S100PBP: variants seen among roughly 807,000 people sequenced by gnomAD.
The protein encoded by S100PBP is S100P binding protein, also known as S100P-binding protein.
Under a neutral mutation model 39.9 loss-of-function variants are expected in S100PBP, and 15 were observed. That is an observed-to-expected ratio of 0.38 (90% CI 0.25 to 0.58). The LOEUF (loss-of-function observed/expected upper bound fraction) is 0.58. Ranked by LOEUF, S100PBP falls within the 20% of genes least tolerant of loss-of-function variation. S100PBP has a pLI of 0.70. For synonymous variants in S100PBP, 178 were observed against 180.3 expected, an observed-to-expected ratio of 0.99 and a Z score of 0.10; for missense variants, 504 against 487.3, an observed-to-expected ratio of 1.03 and a Z score of -0.32.
At chr1:32,850,533 A>T (rs1640565558) in intron 5 of S100PBP, among the ~76,000 whole-genome samples, 1 of 152,220 alleles carries the variant, frequency 6.6e-6, no homozygotes, top group Non-Finnish European at 1.5e-5. Flanking sequence ...TTTCCTTCTC[A>T]AGGAGTGACA....
At chr1:32,847,965 T>TC (rs1329156704) in intron 5 of S100PBP, among the ~76,000 whole-genome samples, 1 of 152,106 alleles carries the variant, frequency 6.6e-6, no homozygotes, top group Non-Finnish European at 1.5e-5. Context: ...TCACCAGGTC[T>TC]CGTAGTGAAA....
At chr1:32,837,707 A>T (rs1273910633) in intron 5 of S100PBP, among the ~76,000 whole-genome samples, 1 of 151,576 alleles carries the variant, frequency 6.6e-6, no homozygotes, top group Non-Finnish European at 1.5e-5. Flanking sequence ...TACTGCAGTT[A>T]GTTTGCATTT....
chr1:32,827,795 T>G (rs1025149457), intron 3 of S100PBP, among the ~76,000 whole-genome samples, 198 bp from the exon 4 acceptor site: 5 of 150,408 alleles, frequency 3.3e-5, no homozygotes, highest in South Asian at 4.2e-4. Context: ...TTTTTTTTTT[T>G]TTTTTTTTTT....
Position 32,844,865 on chromosome 1 carries a change from G to A in S100PBP, c.1025-8214G>A, listed in dbSNP as rs151325273. Among the ~76,000 whole-genome samples, 892 of 151,354 alleles carry A rather than the reference G, an allele frequency of 5.9e-3. 7 individuals are homozygous for A. Among genetic ancestry groups the A allele is most frequent in the Middle Eastern group, 0.01 (3 of 294 alleles). ...TTTTTTTGAGATGGACTCTCGCTCT[G>A]TTGCCCAGGCTGGAGTGCAGTGGCG... On this transcript the variant is annotated intron_variant, in intron 5 of 6. Coordinates refer to ENST00000373475, the MANE Select transcript of S100PBP (RefSeq NM_022753.4).
At chr1:32,830,403 C>G (rs1639543074) in intron 5 of S100PBP, among the ~76,000 whole-genome samples, 1 of 152,162 alleles carries the variant, frequency 6.6e-6, no homozygotes, top group African/African-American at 2.4e-5. Flanking sequence ...GTGCTGCTTA[C>G]TAATCAGTGG....
At position 32,826,545 on chromosome 1, in the gene S100PBP, C is replaced by T. The variant is rs763204599; in HGVS notation, c.446C>T (p.Ala149Val). 13 of 1,613,706 alleles carry T rather than the reference C, an allele frequency of 8.1e-6. 1 individual carries two copies. The South Asian group carries it at 1.3e-4, about 16-fold the overall frequency. The change falls in exon 3 of 7, where the codon GCA (alanine) becomes GTA (valine). Residue 149 changes from alanine (A) to valine (V), a missense_variant. Coordinates refer to ENST00000373475, the MANE Select transcript of S100PBP (RefSeq NM_022753.4). ...LEKNLIKVTVAPFNPTVCDAL... is the reference protein window; with the variant it reads ...LEKNLIKVTVVPFNPTVCDAL... ...AAGAATCTTATAAAAGTAACTGTTG[C>T]ACCATTTAATCCAACAGTTTGTGAT...
chr1:32,855,855 T>A (rs1640797418), intron 6 of S100PBP, 69 bp from the exon 7 acceptor site: 1 of 911,716 alleles, frequency 1.1e-6, no homozygotes, highest in East Asian at 2.7e-5. Flanking sequence ...TGTGCTGGCC[T>A]TTTTTTGTGT....
At chr1:32,837,379 A>G (rs890186233) in intron 5 of S100PBP, among the ~76,000 whole-genome samples, 3 of 145,226 alleles carry the variant, frequency 2.1e-5, no homozygotes, top group African/African-American at 5.1e-5. Flanking sequence ...TCCACCTCCC[A>G]GGTTCAAGCA....
chr1:32,824,221 A>T, intron 1 of S100PBP, among the ~76,000 whole-genome samples: 1 of 145,882 alleles, frequency 6.9e-6, no homozygotes, highest in South Asian at 2.2e-4. Context: ...AAAAAAAAAA[A>T]GGAATGCATG....
At chr1:32,824,254 GTGGTA>G (rs1213833296) in intron 1 of S100PBP, among the ~76,000 whole-genome samples, 4 of 151,878 alleles carry the variant, frequency 2.6e-5, no homozygotes, top group Admixed American at 6.6e-5. Context: ...AGCTCAGGGT[GTGGTA>G]TGGAGGGTCA....
chr1:32,847,733 T>A (rs906272409), intron 5 of S100PBP: 2 of 152,198 alleles, frequency 1.3e-5, no homozygotes, highest in African/African-American at 4.8e-5. Context: ...GTGACACATT[T>A]GCATTCTTGC....
intron 5 of S100PBP, among the ~76,000 whole-genome samples, chr1:32,844,322 G>T (rs1290584980): frequency 6.6e-6 from 1 of 151,968 alleles, no homozygotes; most frequent in Non-Finnish European, 1.5e-5. Flanking sequence ...AAGTGTTGGG[G>T]TTACAGGTGT....
At chr1:32,841,508 T>C (rs1481672304) in intron 5 of S100PBP, among the ~76,000 whole-genome samples, 1 of 152,026 alleles carries the variant, frequency 6.6e-6, no homozygotes, top group Non-Finnish European at 1.5e-5. Flanking sequence ...GGCAGGCAGA[T>C]CACCTGAGGT....
intron 4 of S100PBP, among the ~76,000 whole-genome samples, chr1:32,829,443 C>T (rs1257785022): frequency 1.3e-5 from 2 of 151,944 alleles, no homozygotes; most frequent in Non-Finnish European, 2.9e-5. Context: ...TATCTATTTC[C>T]TTCTCTTCGT....
intron 5 of S100PBP, among the ~76,000 whole-genome samples, chr1:32,850,689 T>G (rs189143631): frequency 6.6e-6 from 1 of 152,358 alleles, no homozygotes; most frequent in East Asian, 1.9e-4. Flanking sequence ...CATTAAACTT[T>G]TGCCAAGTAT....
chr1:32,839,200 T>C (rs1639979657), intron 5 of S100PBP, among the ~76,000 whole-genome samples: 1 of 152,204 alleles, frequency 6.6e-6, no homozygotes, highest in East Asian at 1.9e-4. Flanking sequence ...TTGACTACTC[T>C]AGGTACCTCA....
At chr1:32,819,188 G>A (rs191321840) in intron 1 of S100PBP, among the ~76,000 whole-genome samples, 7 of 152,208 alleles carry the variant, frequency 4.6e-5, no homozygotes, top group Non-Finnish European at 8.8e-5. Context: ...AGATGTGGAA[G>A]GACAGAATGG....
intron 6 of S100PBP, 28 bp downstream of exon 6, chr1:32,853,194 A>G (rs1640686407): frequency 6.4e-7 from 1 of 1,553,146 alleles, no homozygotes. Context: ...AGAAGATGGA[A>G]AAGGGTAGAA....
In S100PBP at chr1:32,855,905, A is replaced by C. The variant is rs1381227046; in HGVS notation, c.1113-19A>C. ...TAGTTGAAATAGCCTTCCTGTTTGT[A>C]CTCTCCCTCTCTCGATAGAAACTAC... On this transcript the variant is annotated intron_variant, in intron 6 of 6. Coordinates refer to ENST00000373475, the MANE Select transcript of S100PBP (RefSeq NM_022753.4). The C allele has an allele frequency of 6.4e-7, 1 of 1,573,112 alleles. No homozygotes were observed. Among genetic ancestry groups the C allele is most frequent in the Admixed American group, 1.7e-5 (1 of 59,328 alleles).
Sources: gnomAD v4.1 joint callset for allele counts (sites outside exome capture counted in the v4.1 genomes callset) on GRCh38, gnomAD v4.1.1 for gene constraint, MANE v1.5 for transcripts, NCBI Gene and HGNC (gene_info 2026-07-23, HGNC 2026-07-21) for gene names.